Variants in OSBPL9 observed in about 807,000 individuals in gnomAD.
The protein encoded by OSBPL9 is oxysterol-binding protein-related protein 9.
Under a neutral mutation model 106.6 loss-of-function variants are expected in OSBPL9, and 40 were observed. That is an observed-to-expected ratio of 0.38 (90% CI 0.29 to 0.49). OSBPL9 has a LOEUF of 0.49. OSBPL9 is among the 20% of genes least tolerant of loss of function. The pLI is 0.97. For synonymous variants in OSBPL9, 269 were observed against 295.4 expected, an observed-to-expected ratio of 0.91 and a Z score of 0.92; for missense variants, 609 against 887.2, an observed-to-expected ratio of 0.69 and a Z score of 3.98.
At chr1:51,621,718 C>A (rs1249531188) in intron 1 of OSBPL9, among the ~76,000 whole-genome samples, 1 of 152,102 alleles carries the variant, frequency 6.6e-6, no homozygotes, top group Non-Finnish European at 1.5e-5. Context: ...CTCTTTTAAT[C>A]TCTAGTTCTC....
chr1:51,705,381 A>ATATG (rs1658230469), intron 3 of OSBPL9, among the ~76,000 whole-genome samples: 1 of 38,356 alleles, frequency 2.6e-5, no homozygotes, highest in African/African-American at 1.2e-4. Context: ...TGTTTCATAT[A>ATATG]TATATATATA....
chr1:51,722,162 A>AATAGATAG (rs3991279), intron 4 of OSBPL9, among the ~76,000 whole-genome samples: 14,389 of 146,902 alleles, frequency 0.098, 757 homozygotes, highest in East Asian at 0.12. Context: ...CTCTAAAATA[A>AATAGATAG]ATAGATAGAT....
chr1:51,708,418 C>T (rs992305804), intron 3 of OSBPL9, among the ~76,000 whole-genome samples: 1 of 151,988 alleles, frequency 6.6e-6, no homozygotes, highest in African/African-American at 2.4e-5. Flanking sequence ...AAAAGAATAT[C>T]TGTTTTACAT....
intron 4 of OSBPL9, among the ~76,000 whole-genome samples, chr1:51,738,999 G>T (rs1419760992): frequency 6.6e-6 from 1 of 151,910 alleles, no homozygotes; most frequent in Non-Finnish European, 1.5e-5. Context: ...TATACTCATG[G>T]ATGAGAAAAT....
intron 14 of OSBPL9, 53 bp downstream of exon 14, chr1:51,772,776 T>C (rs1674216215): frequency 1.7e-6 from 2 of 1,209,766 alleles, no homozygotes; most frequent in Non-Finnish European, 2.5e-6. Context: ...TTCTCAGTGA[T>C]TGCGTGGTGA....
rs565539060 is a variant in OSBPL9, at chr1:51,728,670, C to G, written c.318+14591C>G. 9.2e-5 allele frequency among the ~76,000 whole-genome samples: 14 copies of G among 152,250 alleles called. No individual in the cohort carries two copies. In the South Asian group the frequency reaches 2.9e-3, roughly 32 times the overall value. On this transcript the variant is annotated intron_variant, in intron 4 of 23. Transcript: ENST00000428468. ...AAGGTATCTTTAACACTGAGTCCAG[C>G]AGGTTAGCATATTTATTCAGCAAGC...
In OSBPL9 at chr1:51,602,018, C is replaced by CTTTTTTTTTTTTTTTTTTTTTT. The variant is rs758760414; in HGVS notation, c.-353+3845_-353+3846insTTTTTTTTTTTTTTTTTTTTTT. ...AGTCAATTGTTCCATTCTTGGGGTT[C>CTTTTTTTTTTTTTTTTTTTTTT]TTTTTTTTTTTTTTTTTTTTGAGAC... is the stretch of plus-strand genomic sequence containing the variant. On this transcript the variant is annotated intron_variant, in intron 2 of 25. Coordinates refer to the OSBPL9 transcript ENST00000371714. Among the ~76,000 whole-genome samples, 5 of 76,406 alleles carry CTTTTTTTTTTTTTTTTTTTTTT rather than the reference C, an allele frequency of 6.5e-5. 1 individual carries two copies. Among genetic ancestry groups the CTTTTTTTTTTTTTTTTTTTTTT allele is most frequent in the African/African-American group, 1.0e-4 (2 of 19,210 alleles). 50.1% of individuals were successfully genotyped at this position (76,406 alleles called of 152,430 possible).
chr1:51,639,816 GTTTTTT>G (rs758174157), intron 1 of OSBPL9, among the ~76,000 whole-genome samples: 8 of 67,048 alleles, frequency 1.2e-4, no homozygotes, highest in Non-Finnish European at 2.3e-4. Flanking sequence ...ATTCCTAGTT[GTTTTTT>G]TTTTTTTTTT....
At chr1:51,532,201 T>C in the OSBPL9 span, among the ~76,000 whole-genome samples, 26 of 152,306 alleles carry the variant, frequency 1.7e-4, no homozygotes, top group African/African-American at 5.8e-4. Context: ...TCTCTAGAAA[T>C]GTCTAGCTGA....
rs869092922 is a variant in OSBPL9 at position 51,767,936 on chromosome 1, C to CTTT, written c.938+1980_938+1982dup. ...TATTTAAAAGAGAATTAAAGACCGT[C>CTTT]TTTTTTTTTTTTTTTTTTTTTTTTT... is the stretch of plus-strand genomic sequence containing the variant. On this transcript the variant is annotated intron_variant, in intron 12 of 23. Coordinates refer to ENST00000428468, the MANE Select transcript of OSBPL9 (RefSeq NM_024586.6). 3.1e-3 allele frequency among the ~76,000 whole-genome samples: 204 copies of CTTT among 65,058 alleles called. 35 individuals carry two copies. Among genetic ancestry groups the CTTT allele is most frequent in the Non-Finnish European group, 4.5e-3 (162 of 35,670 alleles). The allele number at this position is 65,058 out of a possible 152,430, so 42.7% of individuals were successfully genotyped here.
intron 2 of OSBPL9, among the ~76,000 whole-genome samples, chr1:51,661,036 A>G (rs1447073031): frequency 6.6e-6 from 1 of 152,228 alleles, no homozygotes; most frequent in Non-Finnish European, 1.5e-5. Flanking sequence ...TCTCTAAAGA[A>G]GAGTAGTGAC....
intron 4 of OSBPL9, among the ~76,000 whole-genome samples, chr1:51,718,139 G>A (rs905555108): frequency 6.6e-6 from 1 of 152,116 alleles, no homozygotes; most frequent in East Asian, 1.9e-4. Flanking sequence ...CTTATTTGTG[G>A]GAGCTAAAAA....
intron 2 of OSBPL9, among the ~76,000 whole-genome samples, chr1:51,662,956 G>A (rs532016080): frequency 5.9e-5 from 9 of 152,032 alleles, no homozygotes; most frequent in African/African-American, 1.7e-4. Context: ...GTGTTAGCCA[G>A]GATGGTCTTG....
chr1:51,715,554 C>T (rs111332033), intron 4 of OSBPL9, among the ~76,000 whole-genome samples: 59 of 152,198 alleles, frequency 3.9e-4, no homozygotes, highest in African/African-American at 1.3e-3. Flanking sequence ...TAGCAATTCT[C>T]CTGCCTCAGC....
At chr1:51,713,213 G>A (rs1007110905) in intron 3 of OSBPL9, among the ~76,000 whole-genome samples, 3 of 152,000 alleles carry the variant, frequency 2.0e-5, no homozygotes, top group South Asian at 2.1e-4. Flanking sequence ...GCAGTGGCAC[G>A]ATCTTGGCTC....
intron 1 of OSBPL9, among the ~76,000 whole-genome samples, chr1:51,620,382 A>C (rs182852150): frequency 6.6e-6 from 1 of 152,096 alleles, no homozygotes; most frequent in South Asian, 2.1e-4. Context: ...TAAAGTGGCA[A>C]ATAAGATGGA....
At chr1:51,547,545 GA>G in the OSBPL9 span, among the ~76,000 whole-genome samples, 1 of 151,956 alleles carries the variant, frequency 6.6e-6, no homozygotes, top group Non-Finnish European at 1.5e-5. Context: ...GAATAAAAGA[GA>G]AAAAAATGGA....
At chr1:51,651,652 A>G (rs1209374616) in intron 1 of OSBPL9, among the ~76,000 whole-genome samples, 1 of 152,106 alleles carries the variant, frequency 6.6e-6, no homozygotes, top group Admixed American at 6.6e-5. Flanking sequence ...TTAAACCTCC[A>G]GGTGATTCTT....
chr1:51,706,645 C>A (rs1250314183), intron 3 of OSBPL9, among the ~76,000 whole-genome samples: 1 of 150,068 alleles, frequency 6.7e-6, no homozygotes, highest in Non-Finnish European at 1.5e-5. Flanking sequence ...TTGTTTTCAG[C>A]CTTTTTGCTT....
Sources: gnomAD v4.1 joint callset for allele counts (sites outside exome capture counted in the v4.1 genomes callset) on GRCh38, gnomAD v4.1.1 for gene constraint, MANE v1.5 for transcripts, NCBI Gene and HGNC (gene_info 2026-07-23, HGNC 2026-07-21) for gene names.